The following ZFC3H1 variants were observed in gnomAD, a reference collection of about 807,000 sequenced individuals.
ZFC3H1 encodes zinc finger C3H1-type containing.
A neutral mutation model predicts 243.7 loss-of-function variants in ZFC3H1; 71 were observed. The ratio of observed to expected loss-of-function variants is 0.29; its 90% CI spans 0.24 to 0.36. ZFC3H1 has a LOEUF of 0.36. Ranked by LOEUF, ZFC3H1 falls within the 10% of genes least tolerant of loss-of-function variation. The probability of loss-of-function intolerance (pLI) is 1.00; values close to 1 mark genes in which losing one functional copy is unlikely to be tolerated. For synonymous variants in ZFC3H1, 838 were observed against 813.0 expected (o/e 1.03, Z -0.52); for missense variants, 1,966 against 2,317.1 (o/e 0.85, Z 3.11).
chr12:71,617,693 A>G (rs1879923612), intron 27 of ZFC3H1, among the ~76,000 whole-genome samples: 1 of 152,260 alleles, frequency 6.6e-6, no homozygotes, highest in Non-Finnish European at 1.5e-5. Flanking sequence ...AAACTAATTT[A>G]AACGAGGAAG....
chr12:71,648,679 C>A lies in ZFC3H1; in HGVS notation c.1016-866G>T, dbSNP rs184648638. On this transcript the variant is annotated intron_variant, in intron 2 of 34. Coordinates refer to ENST00000378743, the MANE Select transcript of ZFC3H1 (RefSeq NM_144982.5). ...CTTATTCAATAAATAAATGACTAATCTAGCATCTAAATCAATGTAAATAGA... is the reference window on the plus strand; with the variant it reads ...CTTATTCAATAAATAAATGACTAATATAGCATCTAAATCAATGTAAATAGA... Among the ~76,000 whole-genome samples the A allele has an allele frequency of 5.3e-5, 8 of 152,312 alleles. No individual in the cohort carries two copies. In the East Asian group the frequency reaches 1.5e-3, roughly 29 times the overall value.
At chr12:71,661,484 CTT>C (rs10658535) in intron 1 of ZFC3H1, among the ~76,000 whole-genome samples, 4,315 of 130,782 alleles carry the variant, frequency 0.033, 172 homozygotes, top group African/African-American at 0.11. Flanking sequence ...TATAATTTTC[CTT>C]TTTTTTTTTT....
intron 12 of ZFC3H1, among the ~76,000 whole-genome samples, chr12:71,633,646 C>A (rs1282384474): frequency 6.6e-6 from 1 of 151,824 alleles, no homozygotes; most frequent in Non-Finnish European, 1.5e-5. Flanking sequence ...TGAGACTGAT[C>A]TTTTAAAAAA....
chr12:71,631,104 C>T (rs985942400), intron 16 of ZFC3H1, 150 bp from the exon 17 acceptor site: 25 of 775,464 alleles, frequency 3.2e-5, no homozygotes, highest in South Asian at 1.4e-4. Flanking sequence ...AAAATTAATT[C>T]GAGAAAAGAC....
chr12:71,656,503 C>A (rs779566564), intron 2 of ZFC3H1: 1 of 657,756 alleles, frequency 1.5e-6, no homozygotes, highest in South Asian at 1.7e-5. Context: ...AACATCCATT[C>A]ACGCTGAAAA....
intron 22 of ZFC3H1, among the ~76,000 whole-genome samples, chr12:71,625,914 A>AT (rs1476841672): frequency 2.0e-5 from 3 of 152,262 alleles, no homozygotes; most frequent in Non-Finnish European, 2.9e-5. Flanking sequence ...AAAAGAAACA[A>AT]TTTTTTCAGG....
chr12:71,635,350 T>A, intron 10 of ZFC3H1, 93 bp downstream of exon 10: 1 of 1,451,550 alleles, frequency 6.9e-7, no homozygotes, highest in Non-Finnish European at 9.2e-7. Flanking sequence ...TTATTAAAAA[T>A]CTATAACTTT....
chr12:71,632,774 T>C (rs1472818217), intron 14 of ZFC3H1, 112 bp downstream of exon 14: 3 of 1,456,934 alleles, frequency 2.1e-6, no homozygotes, highest in Non-Finnish European at 2.8e-6. Flanking sequence ...GCTTTAATCT[T>C]AATCTCTTGG....
At chr12:71,611,721 G>T in intron 32 of ZFC3H1, 65 bp downstream of exon 32, 3 of 801,260 alleles carry the variant, frequency 3.7e-6, no homozygotes, top group South Asian at 3.6e-5. Context: ...AGATTTACCT[G>T]TCTGGAGCAA....
intron 16 of ZFC3H1, 114 bp from the exon 17 acceptor site, chr12:71,631,068 G>A: frequency 1.9e-6 from 2 of 1,072,574 alleles, no homozygotes; most frequent in Non-Finnish European, 2.5e-6. Flanking sequence ...CTATTTATGA[G>A]CTATTTATCT....
chr12:71,634,757 A>G lies in ZFC3H1; in HGVS notation c.2307T>C (p.Ala769=), dbSNP rs1226969304. The G allele has an allele frequency of 1.2e-6, 2 of 1,607,192 alleles. No homozygotes were observed. Among genetic ancestry groups the G allele is most frequent in the East Asian group, 2.2e-5 (1 of 44,502 alleles). The change falls in exon 11 of 35, where the codon GCT becomes GCC. Residue 769 remains alanine, a synonymous_variant. Coordinates refer to ENST00000378743, the MANE Select transcript of ZFC3H1 (RefSeq NM_144982.5). ...KENDPLRTPE[A]LPEEKKIEYR... ...ATTCAATCTTCTTTTCTTCAGGCAA[A>G]GCCTCCGGTGTTCGCAGAGGATCAT...
intron 10 of ZFC3H1, 93 bp from the exon 11 acceptor site, chr12:71,634,918 A>G: frequency 7.3e-7 from 1 of 1,375,350 alleles, no homozygotes; most frequent in Non-Finnish European, 9.6e-7. Flanking sequence ...CCCAGTGTAT[A>G]CTGAATTTAT....
At chr12:71,653,668 TGATA>T (rs1250392367) in intron 2 of ZFC3H1, among the ~76,000 whole-genome samples, 2 of 152,324 alleles carry the variant, frequency 1.3e-5, no homozygotes, top group East Asian at 3.9e-4. Flanking sequence ...CCATTAAGAC[TGATA>T]GATGAGTTTT....
chr12:71,625,528 C>CA lies in ZFC3H1; in HGVS notation c.4317+731dup, dbSNP rs1186957473. ...GCAACAGAGCAAAAACCCATCTCTACAAAAAATCTAAAAACTATCCAGGCA... is the reference window on the plus strand; with the variant it reads ...GCAACAGAGCAAAAACCCATCTCTACAAAAAAATCTAAAAACTATCCAGGCA... On this transcript the variant is annotated intron_variant, in intron 22 of 34. Coordinates refer to ENST00000378743, the MANE Select transcript of ZFC3H1 (RefSeq NM_144982.5). 5.3e-5 allele frequency among the ~76,000 whole-genome samples: 8 copies of CA among 152,208 alleles called. No individual in the cohort carries two copies. In the South Asian group the frequency reaches 1.5e-3, roughly 28 times the overall value.
At position 71,632,430 on chromosome 12, in the gene ZFC3H1, G is replaced by A. The variant is rs749673445; in HGVS notation, c.2902C>T (p.Arg968Trp). The A allele has an allele frequency of 6.8e-6, 11 of 1,609,592 alleles. No homozygotes were observed. The highest frequency in any genetic ancestry group is 2.2e-5 in the East Asian group (1 of 44,848). The stretch of plus-strand genomic sequence containing the variant: ...TATTCATATTCTAGCTTTTGTAACC[G>A]TCTTTTCTCCATAGCAATTAGTTCT... ...SAELIAMEKR[R>W]LQKLEYEYAL... Residue 968 changes from arginine to tryptophan, a missense_variant, in exon 15 of 35, where the codon CGG becomes TGG. Around this residue, in one of 4 missense-constraint regions of ZFC3H1, gnomAD observed 1,383 missense variants for 1,723.7 expected, o/e 0.80. Coordinates refer to ENST00000378743, the MANE Select transcript of ZFC3H1 (RefSeq NM_144982.5).
Position 71,610,294 on chromosome 12 carries a change from T to C in ZFC3H1, c.*134A>G. On this transcript the variant is annotated 3_prime_UTR_variant, in exon 35 of 35. Transcript: ENST00000378743. ...TTCCGGTTTTGAGGACAGGATATTG[T>C]AGGGAACTTGATATGATCAATAACG... 9.3e-7 allele frequency: 1 copy of C among 1,071,630 alleles called. No homozygotes were observed. Among genetic ancestry groups the C allele is most frequent in the Non-Finnish European group, 1.3e-6 (1 of 745,192 alleles). 66.4% of individuals were successfully genotyped at this position (1,071,630 alleles called of 1,614,324 possible). A position where few individuals can be genotyped will look rare whatever the true frequency, so the allele number is the denominator to read the frequency against.
chr12:71,643,111 C>G (rs1449079944), intron 5 of ZFC3H1, among the ~76,000 whole-genome samples: 1 of 152,102 alleles, frequency 6.6e-6, no homozygotes, highest in East Asian at 1.9e-4. Context: ...CAAAACCTCT[C>G]GAGAAGGAGG....
intron 12 of ZFC3H1, 34 bp from the exon 13 acceptor site, chr12:71,633,472 T>G (rs1880375920): frequency 6.7e-7 from 1 of 1,503,270 alleles, no homozygotes; most frequent in Admixed American, 2.5e-5. Flanking sequence ...TTGTTAATGT[T>G]TCCCTACAAG....
At chr12:71,618,502 C>T (rs1435219006) in intron 27 of ZFC3H1, among the ~76,000 whole-genome samples, 1 of 152,070 alleles carries the variant, frequency 6.6e-6, no homozygotes, top group Non-Finnish European at 1.5e-5. Context: ...TACTTATGAT[C>T]GGCAAACCAT....
Sources: gnomAD v4.1 joint callset for allele counts (sites outside exome capture counted in the v4.1 genomes callset) on GRCh38, gnomAD v4.1.1 for gene constraint, gnomAD v4.1.1 regional missense constraint, MANE v1.5 for transcripts, NCBI Gene and HGNC (gene_info 2026-07-23, HGNC 2026-07-21) for gene names.